Variants in PCP4 observed in about 807,000 individuals in gnomAD.
The protein encoded by PCP4 is Purkinje cell protein 4.
A neutral mutation model predicts 10.0 loss-of-function variants in PCP4; 8 were observed. The observed-to-expected ratio is 0.80, with a 90% CI of 0.47 to 1.45. The LOEUF (loss-of-function observed/expected upper bound fraction) is 1.45. Ranked by LOEUF, PCP4 falls within the 40% of genes most tolerant of loss-of-function variation. The pLI is 0.00. For missense variants in PCP4, 54 were observed against 74.4 expected (o/e 0.73, Z 1.01); for synonymous variants, 21 against 23.0 (o/e 0.91, Z 0.24).
chr21:39,913,074 A>C (rs985842131), intron 2 of PCP4, among the ~76,000 whole-genome samples: 28 of 152,286 alleles, frequency 1.8e-4, no homozygotes, highest in Admixed American at 1.6e-3. Flanking sequence ...TTAGTCTAGA[A>C]TGCCACATAA....
At chr21:39,908,068 A>T (rs1344499301) in intron 2 of PCP4, among the ~76,000 whole-genome samples, 2 of 152,200 alleles carry the variant, frequency 1.3e-5, no homozygotes, top group Non-Finnish European at 2.9e-5. Context: ...CTTCCCAAAG[A>T]CAAAGTGGGA....
intron 2 of PCP4, among the ~76,000 whole-genome samples, chr21:39,904,105 G>C (rs1003562865): frequency 3.3e-5 from 5 of 152,158 alleles, no homozygotes; most frequent in African/African-American, 1.2e-4. Context: ...TAGGTAGAGA[G>C]AGAGGTCCCA....
At chr21:39,908,954 G>A (rs2087526455) in intron 2 of PCP4, among the ~76,000 whole-genome samples, 1 of 152,100 alleles carries the variant, frequency 6.6e-6, no homozygotes, top group Non-Finnish European at 1.5e-5. Flanking sequence ...TATGAGAAAT[G>A]ACCATCTCCT....
intron 2 of PCP4, among the ~76,000 whole-genome samples, chr21:39,918,279 T>C (rs2087578751): frequency 6.6e-6 from 1 of 152,238 alleles, no homozygotes; most frequent in Non-Finnish European, 1.5e-5. Flanking sequence ...TTCTCATTCT[T>C]TGTAATCGAT....
intron 1 of PCP4, among the ~76,000 whole-genome samples, chr21:39,888,994 G>A (rs954486815): frequency 1.3e-5 from 2 of 152,174 alleles, no homozygotes; most frequent in Admixed American, 6.5e-5. Context: ...TTCCTGTGCC[G>A]TAGCCGTGAG....
intron 2 of PCP4, among the ~76,000 whole-genome samples, chr21:39,923,460 A>G (rs998134859): frequency 5.3e-5 from 8 of 152,238 alleles, no homozygotes; most frequent in Non-Finnish European, 8.8e-5. Flanking sequence ...ATGCCTGTAC[A>G]GTACTCCTGA....
chr21:39,883,005 C>T (rs1174758888), intron 1 of PCP4, among the ~76,000 whole-genome samples: 3 of 152,144 alleles, frequency 2.0e-5, no homozygotes, highest in Admixed American at 1.3e-4. Flanking sequence ...TATTTTTTTT[C>T]TAATCACAGC....
chr21:39,915,210 T>C (rs986968683), intron 2 of PCP4, among the ~76,000 whole-genome samples: 5 of 141,896 alleles, frequency 3.5e-5, no homozygotes, highest in Non-Finnish European at 3.1e-5. Context: ...GGTTACTGAA[T>C]ATAAAGGAAG....
chr21:39,909,987 G>T (rs2087531823), intron 2 of PCP4, among the ~76,000 whole-genome samples: 1 of 151,888 alleles, frequency 6.6e-6, no homozygotes. Context: ...GTAGAGATGG[G>T]GTTTCTCCAT....
At chr21:39,894,252 C>G (rs1423228444) in intron 1 of PCP4, among the ~76,000 whole-genome samples, 5 of 152,128 alleles carry the variant, frequency 3.3e-5, no homozygotes, top group Admixed American at 3.3e-4. Context: ...CTCTACTACC[C>G]CTCTACTACC....
intron 2 of PCP4, among the ~76,000 whole-genome samples, chr21:39,922,923 A>AT (rs1238650765): frequency 1.3e-5 from 2 of 152,070 alleles, no homozygotes; most frequent in Non-Finnish European, 1.5e-5. Context: ...TCATGGGACC[A>AT]TTTTTTTGGA....
chr21:39,880,733 T>C (rs566434082), intron 1 of PCP4, among the ~76,000 whole-genome samples: 4 of 152,332 alleles, frequency 2.6e-5, no homozygotes, highest in Non-Finnish European at 5.9e-5. Context: ...TAAAGAAACA[T>C]TTTTGTATGC....
At chr21:39,903,282 G>C (rs2087489561) in intron 2 of PCP4, among the ~76,000 whole-genome samples, 1 of 152,348 alleles carries the variant, frequency 6.6e-6, no homozygotes, top group East Asian at 1.9e-4. Context: ...GACTTAGCGA[G>C]CTGTGATGCA....
chr21:39,922,938 T>C (rs145976607), intron 2 of PCP4, among the ~76,000 whole-genome samples: 1 of 152,276 alleles, frequency 6.6e-6, no homozygotes, highest in African/African-American at 2.4e-5. Context: ...TTTGGAGCTA[T>C]AGTGATCAAT....
Position 39,867,525 on chromosome 21 carries a change from G to C in PCP4, c.9+15G>C. On this transcript the variant is annotated intron_variant, in intron 1 of 2. Coordinates refer to ENST00000328619, the MANE Select transcript of PCP4 (RefSeq NM_006198.3). ...ACATGAGTGAGGTGAGTGATGCTTC[G>C]ACCTGGAGAGGGAAACTTAGGAGTG... The C allele has an allele frequency of 1.2e-6, 2 of 1,613,724 alleles. No homozygotes were observed. Among genetic ancestry groups the C allele is most frequent in the Non-Finnish European group, 1.7e-6 (2 of 1,179,584 alleles).
At chr21:39,894,681 A>G (rs1174110195) in intron 1 of PCP4, among the ~76,000 whole-genome samples, 1 of 152,214 alleles carries the variant, frequency 6.6e-6, no homozygotes, top group East Asian at 1.9e-4. Context: ...TCTGAAGCCA[A>G]TTTATTGTGC....
At chr21:39,889,411 C>CTTTTT (rs547540626) in intron 1 of PCP4, among the ~76,000 whole-genome samples, 6 of 85,684 alleles carry the variant, frequency 7.0e-5, no homozygotes, top group East Asian at 3.2e-4. Context: ...AAACCAAGTT[C>CTTTTT]TTTTTTTTTT....
At chr21:39,893,599 C>G (rs759625065) in intron 1 of PCP4, among the ~76,000 whole-genome samples, 2 of 152,228 alleles carry the variant, frequency 1.3e-5, no homozygotes, top group Non-Finnish European at 2.9e-5. Context: ...GCACCACCTG[C>G]CTGGCACAGG....
In PCP4 at chr21:39,867,562, C is replaced by A. The variant is rs751832628; in HGVS notation, c.9+52C>A. 13 of 1,566,082 alleles carry A rather than the reference C, an allele frequency of 8.3e-6. No homozygotes were observed. The African/African-American group carries it at 1.5e-4, about 18-fold the overall frequency. ...GAAACTTAGGAGTGAGAAGGGACCT[C>A]GGCTGAAGGATTAGTCTCAGGAAAT... On this transcript the variant is annotated intron_variant, in intron 1 of 2. Transcript: ENST00000328619.
Sources: allele counts gnomAD v4.1 joint callset (sites outside exome capture counted in the v4.1 genomes callset), GRCh38; gene constraint gnomAD v4.1.1; transcripts MANE v1.5; gene names NCBI Gene and HGNC (gene_info 2026-07-23, HGNC 2026-07-21).